Variants in CACNA1B observed in about 807,000 individuals in gnomAD.
CACNA1B encodes the protein voltage-dependent N-type calcium channel subunit alpha-1B.
In CACNA1B, 70 loss-of-function variants were observed where a neutral mutation model predicts 247.2. That is an observed-to-expected ratio of 0.28 (90% CI 0.23 to 0.35). The LOEUF (loss-of-function observed/expected upper bound fraction) is 0.35, where lower values mean the gene tolerates loss of function less well. Ranked by LOEUF, CACNA1B falls within the 10% of genes least tolerant of loss-of-function variation. The pLI, the probability that CACNA1B is intolerant of heterozygous loss-of-function variation, is 1.00. For synonymous variants in CACNA1B, 1,231 were observed against 1,294.4 expected (o/e 0.95, Z 1.05); for missense variants, 2,367 against 3,197.4 (o/e 0.74, Z 6.26).
rs964481287 is a variant in CACNA1B at position 138,020,944 on chromosome 9, TC to T, written c.2268-2063del. Among the ~76,000 whole-genome samples, 2 of 152,108 alleles carry T rather than the reference TC, an allele frequency of 1.3e-5. No individual in the cohort carries two copies. The highest frequency in any genetic ancestry group is 2.9e-5 in the Non-Finnish European group (2 of 68,018). ...TGTCTTTTTGGAACTGCAATGCTGG[TC>T]CCCAAGATTCACGGCTTCATCAGAG... On this transcript the variant is annotated intron_variant, in intron 18 of 46. Coordinates refer to ENST00000371372, the MANE Select transcript of CACNA1B (RefSeq NM_000718.4). This position sits in a 1 kb window ranked among gnomAD's most constrained non-coding sequence, Gnocchi z 4.1.
At chr9:138,031,695 T>C (rs1053915273) in intron 20 of CACNA1B, among the ~76,000 whole-genome samples, 1 of 152,208 alleles carries the variant, frequency 6.6e-6, no homozygotes, top group Non-Finnish European at 1.5e-5. Flanking sequence ...TTTGGGCACA[T>C]ACACATTTAG....
chr9:137,907,926 G>A (rs920060261), intron 3 of CACNA1B, among the ~76,000 whole-genome samples: 38 of 152,240 alleles, frequency 2.5e-4, no homozygotes, highest in South Asian at 2.1e-3. Flanking sequence ...ATCATTTGGC[G>A]GCTGCTCCAC....
chr9:138,057,757 G>A lies in CACNA1B; in HGVS notation c.3994G>A (p.Glu1332Lys). ...CRGQYLDYEKEEVEAQPRQWK... is the reference protein window; with the variant it reads ...CRGQYLDYEKKEVEAQPRQWK... ...GGGTCAGTATTTGGATTATGAGAAG[G>A]AGGAAGTGGAAGCTCAGCCCAGGCA... Residue 1332 changes from glutamate (E) to lysine (K), a missense_variant, in exon 27 of 47, where the codon GAG becomes AAG. Coordinates refer to ENST00000371372, the MANE Select transcript of CACNA1B (RefSeq NM_000718.4). The surrounding 1 kb of genome is among the most constrained non-coding windows in gnomAD (Gnocchi z 4.0). 1 of 1,612,738 alleles carries A rather than the reference G, an allele frequency of 6.2e-7. No individual in the cohort carries two copies. The highest frequency in any genetic ancestry group is 8.5e-7 in the Non-Finnish European group (1 of 1,179,166).
chr9:137,906,262 G>C (rs1465889922), intron 3 of CACNA1B, among the ~76,000 whole-genome samples: 1 of 152,200 alleles, frequency 6.6e-6, no homozygotes, highest in Non-Finnish European at 1.5e-5. Context: ...TGGCTTGCCA[G>C]GGTGACTCCT....
At chr9:138,111,751 C>T (rs567765438) in intron 39 of CACNA1B, among the ~76,000 whole-genome samples, 1 of 152,086 alleles carries the variant, frequency 6.6e-6, no homozygotes, top group South Asian at 2.1e-4. Flanking sequence ...ATCCACCCTG[C>T]CCCGAGGCCT....
chr9:137,885,397 C>G (rs1368831782), intron 3 of CACNA1B, among the ~76,000 whole-genome samples: 1 of 152,216 alleles, frequency 6.6e-6, no homozygotes, highest in Non-Finnish European at 1.5e-5. Context: ...GAGGAACCCT[C>G]ACCTCACCCC....
At chr9:137,900,508 TCTGTGTGTCTCTGTGTCCGTGTGTCC>T (rs1957223113) in intron 3 of CACNA1B, among the ~76,000 whole-genome samples, 1 of 151,198 alleles carries the variant, frequency 6.6e-6, no homozygotes, top group Non-Finnish European at 1.5e-5. Context: ...TGTGTCTGTG[TCTGTGTGTCTCTGTGTCCGTGTGTCC>T]ATGTCTGTGC....
At chr9:137,978,904 G>A (rs1265601385) in intron 12 of CACNA1B, among the ~76,000 whole-genome samples, 2 of 152,148 alleles carry the variant, frequency 1.3e-5, no homozygotes, top group Non-Finnish European at 2.9e-5. Context: ...GGCCATCCAG[G>A]GTGCTCTCTG....
At chr9:137,904,110 G>A (rs1373441143) in intron 3 of CACNA1B, among the ~76,000 whole-genome samples, 1 of 152,062 alleles carries the variant, frequency 6.6e-6, no homozygotes, top group Non-Finnish European at 1.5e-5. Context: ...TGGGTTTTGT[G>A]CTGCTTTCTG....
Position 137,888,175 on chromosome 9 carries a change from C to T in CACNA1B, c.530+5292C>T, listed in dbSNP as rs576954532. On this transcript the variant is annotated intron_variant, in intron 3 of 46. Transcript: ENST00000371372. This position sits in a 1 kb window ranked among gnomAD's most constrained non-coding sequence, Gnocchi z 4.7. Reference sequence around the variant, plus strand: ...GGTGAGGGTTTGTACCAGGGAGTGGCGCTGGAGAACGGGGCAGGTGGGCTC... The same window carrying T: ...GGTGAGGGTTTGTACCAGGGAGTGGTGCTGGAGAACGGGGCAGGTGGGCTC... 1.9e-4 allele frequency among the ~76,000 whole-genome samples: 29 copies of T among 152,042 alleles called. No individual in the cohort carries two copies. Among genetic ancestry groups the T allele is most frequent in the Admixed American group, 5.9e-4 (9 of 15,278 alleles).
In CACNA1B at chr9:137,971,519, C is replaced by T. The variant is rs78326958; in HGVS notation, c.1470C>T (p.Cys490=). The change falls in exon 11 of 47, where the codon TGC becomes TGT. Residue 490 remains cysteine (C), a synonymous_variant. Transcript: ENST00000371372. This position sits in a 1 kb window ranked among gnomAD's most constrained non-coding sequence, Gnocchi z 4.4. The stretch of plus-strand genomic sequence containing the variant: ...AGAGCTTCTACTGGGTGGTGCTGTG[C>T]GTGGTGGCCCTGAACACACTGTGTG... ...KAQSFYWVVL[C]VVALNTLCVA... is the part of the protein sequence containing the mutation. 18,871 of 1,613,700 alleles carry T rather than the reference C, an allele frequency of 0.012. 156 individuals carry two copies. The highest frequency in any genetic ancestry group is 0.013 in the South Asian group (1,215 of 91,028).
Position 138,102,686 on chromosome 9 carries a change from T to C in CACNA1B, c.5223-25T>C. On this transcript the variant is annotated intron_variant, in intron 37 of 46. Transcript: ENST00000371372. The surrounding 1 kb of genome is among the most constrained non-coding windows in gnomAD (Gnocchi z 5.4). Reference sequence around the variant, plus strand: ...TCCTGTGGACCACCCCACTGTGCCCTGGCCTCGCTGGGACGGGTTTCCAGT... The same window carrying C: ...TCCTGTGGACCACCCCACTGTGCCCCGGCCTCGCTGGGACGGGTTTCCAGT... 1.4e-6 allele frequency: 2 copies of C among 1,421,294 alleles called. No individual in the cohort carries two copies. The highest frequency in any genetic ancestry group is 1.2e-5 in the South Asian group (1 of 85,646). 88.0% of individuals were successfully genotyped at this position (1,421,294 alleles called of 1,614,324 possible).
At chr9:137,905,844 C>A (rs1449266200) in intron 3 of CACNA1B, among the ~76,000 whole-genome samples, 1 of 152,226 alleles carries the variant, frequency 6.6e-6, no homozygotes, top group African/African-American at 2.4e-5. Flanking sequence ...ACACTGTCAC[C>A]TCCCGACAAG....
chr9:138,005,605 A>T (rs2133411120), intron 15 of CACNA1B, among the ~76,000 whole-genome samples: 1 of 152,316 alleles, frequency 6.6e-6, no homozygotes, highest in Middle Eastern at 3.4e-3. Flanking sequence ...ATCAGAAGAA[A>T]AGGTTTGAGA....
chr9:137,971,358 C>T lies in CACNA1B; in HGVS notation c.1334-25C>T, dbSNP rs1342766396. 6.4e-7 allele frequency: 1 copy of T among 1,574,568 alleles called. No individual in the cohort carries two copies. Among genetic ancestry groups the T allele is most frequent in the South Asian group, 1.1e-5 (1 of 87,284 alleles). Reference sequence around the variant, plus strand: ...GGCGGGTGCCCATTGGTCCCCACATCCTCAGTAACTCCCCATCCCCTCAGG... The same window carrying T: ...GGCGGGTGCCCATTGGTCCCCACATTCTCAGTAACTCCCCATCCCCTCAGG... On this transcript the variant is annotated intron_variant, in intron 10 of 46. Coordinates refer to ENST00000371372, the MANE Select transcript of CACNA1B (RefSeq NM_000718.4). This position sits in a 1 kb window ranked among gnomAD's most constrained non-coding sequence, Gnocchi z 4.4.
intron 15 of CACNA1B, among the ~76,000 whole-genome samples, chr9:137,996,817 CTAGAG>C (rs1958506470): frequency 6.6e-6 from 1 of 152,084 alleles, no homozygotes; most frequent in Non-Finnish European, 1.5e-5. Flanking sequence ...TTGTATGAAA[CTAGAG>C]TAGCCTTGAT....
intron 31 of CACNA1B, among the ~76,000 whole-genome samples, chr9:138,062,967 C>T (rs547111112): frequency 6.6e-6 from 1 of 152,394 alleles, no homozygotes; most frequent in South Asian, 2.1e-4. Flanking sequence ...TGTCTCTTAC[C>T]TTGGAGTCCT....
At chr9:138,009,213 T>C (rs971644892) in intron 16 of CACNA1B, among the ~76,000 whole-genome samples, 19 of 152,314 alleles carry the variant, frequency 1.2e-4, no homozygotes, top group Admixed American at 5.2e-4. Context: ...GGCAGGTGCT[T>C]CCCTTTGGGC....
chr9:138,036,371 C>A (rs1170553017), intron 20 of CACNA1B, among the ~76,000 whole-genome samples: 2 of 152,198 alleles, frequency 1.3e-5, no homozygotes, highest in Non-Finnish European at 2.9e-5. Context: ...GATCTCCTGA[C>A]CTCGTGATCT....
Sources: allele counts gnomAD v4.1 joint callset (sites outside exome capture counted in the v4.1 genomes callset), GRCh38; gene constraint gnomAD v4.1.1; non-coding constraint Gnocchi (gnomAD v3.1); transcripts MANE v1.5; gene names NCBI Gene and HGNC (gene_info 2026-07-23, HGNC 2026-07-21).